TMPRSS11A: variants seen among roughly 807,000 people sequenced by gnomAD.
TMPRSS11A encodes transmembrane protease serine 11A.
Under a neutral mutation model 58.9 loss-of-function variants are expected in TMPRSS11A, and 53 were observed. The ratio of observed to expected loss-of-function variants is 0.90; its 90% CI spans 0.72 to 1.13. The LOEUF is 1.13. Ranked by LOEUF, TMPRSS11A falls within the 50% of genes most tolerant of loss-of-function variation. TMPRSS11A has a pLI of 0.00. For synonymous variants in TMPRSS11A, 167 were observed against 169.8 expected, an observed-to-expected ratio of 0.98 and a Z score of 0.13; for missense variants, 493 against 499.3, an observed-to-expected ratio of 0.99 and a Z score of 0.12.
intron 4 of TMPRSS11A, among the ~76,000 whole-genome samples, chr4:67,930,609 A>C (rs1720588452): frequency 6.6e-6 from 1 of 152,030 alleles, no homozygotes. Context: ...TGAAGACAAC[A>C]ATATTGTGGT....
chr4:67,942,380 C>A (rs180776440), intron 3 of TMPRSS11A, among the ~76,000 whole-genome samples: 13 of 152,284 alleles, frequency 8.5e-5, no homozygotes, highest in Non-Finnish European at 1.5e-4. Context: ...AAAGAAAGTT[C>A]TCTTATGGCT....
chr4:67,961,332 T>A (rs530499556), intron 1 of TMPRSS11A, among the ~76,000 whole-genome samples: 12 of 152,156 alleles, frequency 7.9e-5, no homozygotes, highest in Middle Eastern at 3.2e-3. Flanking sequence ...TAAGCCTACT[T>A]GTTGGTGTGA....
At chr4:67,942,164 C>A (rs1720896152) in intron 3 of TMPRSS11A, among the ~76,000 whole-genome samples, 1 of 152,168 alleles carries the variant, frequency 6.6e-6, no homozygotes, top group Non-Finnish European at 1.5e-5. Flanking sequence ...AATTAAATCA[C>A]AAATAAAATA....
Position 67,932,015 on chromosome 4 carries a change from T to C in TMPRSS11A, c.298A>G (p.Lys100Glu). 6.2e-7 allele frequency: 1 copy of C among 1,605,046 alleles called. No homozygotes were observed. The highest frequency in any genetic ancestry group is 8.5e-7 in the Non-Finnish European group (1 of 1,172,056). The stretch of plus-strand genomic sequence containing the variant: ...TACGTCAGTCTGACTACTTGGTTCT[T>C]GATATAATTTTTCTTCCAGGCTGAA... ...IDSAWKKNYI[K>E]NQVVRLTPEE... The change falls in exon 4 of 10, where the codon AAG becomes GAG. Residue 100 changes from lysine to glutamate, a missense_variant. Physicochemically the swap from Lys to Glu is moderately conservative, Grantham distance 56 (BLOSUM62 1). Coordinates refer to ENST00000508048, the MANE Select transcript of TMPRSS11A (RefSeq NM_001114387.2).
In TMPRSS11A at chr4:67,910,596, T is replaced by A. The variant is rs1259721585; in HGVS notation, c.*746A>T. ...TTACCATCACCTTCTCCCAAATTTT[T>A]AACAAATATATAGTTTTGATTAACT... is the stretch of plus-strand genomic sequence containing the variant. On this transcript the variant is annotated 3_prime_UTR_variant, in exon 10 of 10. Coordinates refer to ENST00000508048, the MANE Select transcript of TMPRSS11A (RefSeq NM_001114387.2). The A allele has an allele frequency of 6.6e-6, 1 of 152,078 alleles. No homozygotes were observed. The highest frequency in any genetic ancestry group is 1.9e-4 in the East Asian group (1 of 5,200). The allele number at this position is 152,078 out of a possible 1,614,324, so 9.4% of individuals were successfully genotyped here.
intron 5 of TMPRSS11A, among the ~76,000 whole-genome samples, chr4:67,925,185 T>C (rs1209664569): frequency 6.6e-6 from 1 of 152,168 alleles, no homozygotes; most frequent in African/African-American, 2.4e-5. Context: ...TTCTGTCAAC[T>C]TCCAAAAAAG....
intron 3 of TMPRSS11A, among the ~76,000 whole-genome samples, chr4:67,941,345 C>A (rs74854413): frequency 6.6e-6 from 1 of 152,008 alleles, no homozygotes; most frequent in Non-Finnish European, 1.5e-5. Context: ...TAACCTGGTG[C>A]GGGATGGGAG....
intron 1 of TMPRSS11A, among the ~76,000 whole-genome samples, chr4:67,949,333 G>A (rs953230255): frequency 2.6e-5 from 4 of 152,122 alleles, no homozygotes; most frequent in African/African-American, 9.7e-5. Context: ...CAAATCCCAC[G>A]GAAGAAGCTG....
At chr4:67,932,514 A>G (rs1302232110) in intron 3 of TMPRSS11A, among the ~76,000 whole-genome samples, 1 of 152,200 alleles carries the variant, frequency 6.6e-6, no homozygotes, top group Non-Finnish European at 1.5e-5. Context: ...CAATCTTGGC[A>G]AAGTTACTGA....
chr4:67,929,679 G>A (rs113492750), intron 5 of TMPRSS11A, among the ~76,000 whole-genome samples: 2 of 152,102 alleles, frequency 1.3e-5, no homozygotes, highest in Non-Finnish European at 2.9e-5. Flanking sequence ...AATTACTGTC[G>A]GGAAAACCAC....
At chr4:67,936,780 G>C (rs116773304) in intron 3 of TMPRSS11A, among the ~76,000 whole-genome samples, 1,658 of 152,190 alleles carry the variant, frequency 0.011, 28 homozygotes, top group African/African-American at 0.038. Context: ...AGATCACAAG[G>C]CAAAATATTT....
intron 3 of TMPRSS11A, among the ~76,000 whole-genome samples, chr4:67,933,104 AACACACAC>A (rs34906854): frequency 2.0e-5 from 3 of 150,272 alleles, no homozygotes; most frequent in East Asian, 2.0e-4. Flanking sequence ...GCATGACTGA[AACACACAC>A]ACACACACAC....
At chr4:67,930,095 TCAGTCTTA>T in intron 4 of TMPRSS11A, 55 bp from the exon 5 acceptor site, 1 of 1,534,286 alleles carries the variant, frequency 6.5e-7, no homozygotes, top group South Asian at 1.2e-5. Flanking sequence ...GAATTGTCCT[TCAGTCTTA>T]CCTGTATCTT....
At chr4:67,959,156 C>T (rs1256306963) in intron 1 of TMPRSS11A, among the ~76,000 whole-genome samples, 1 of 152,188 alleles carries the variant, frequency 6.6e-6, no homozygotes, top group South Asian at 2.1e-4. Flanking sequence ...TGTTACAAAT[C>T]TGCCTTTAAA....
At chr4:67,953,431 G>T (rs79038003) in intron 1 of TMPRSS11A, among the ~76,000 whole-genome samples, 2,022 of 152,198 alleles carry the variant, frequency 0.013, 51 homozygotes, top group African/African-American at 0.046. Context: ...AAAACTACTT[G>T]TTGAATTAGA....
At chr4:67,928,757 C>CA (rs1306820214) in intron 5 of TMPRSS11A, among the ~76,000 whole-genome samples, 78 of 152,296 alleles carry the variant, frequency 5.1e-4, no homozygotes, top group African/African-American at 1.8e-3. Flanking sequence ...TTTTTTACTT[C>CA]CTTATCTGGT....
At chr4:67,934,676 G>A (rs1360110772) in intron 3 of TMPRSS11A, among the ~76,000 whole-genome samples, 1 of 152,138 alleles carries the variant, frequency 6.6e-6, no homozygotes, top group Non-Finnish European at 1.5e-5. Context: ...CTGAGATTAA[G>A]TTCCAAGAGG....
intron 5 of TMPRSS11A, 60 bp from the exon 6 acceptor site, chr4:67,924,226 A>G: frequency 7.0e-7 from 1 of 1,422,412 alleles, no homozygotes; most frequent in Non-Finnish European, 9.9e-7. Context: ...GGTCTCAATG[A>G]CCAGGAATAA....
At chr4:67,940,490 T>G (rs1577864650) in intron 3 of TMPRSS11A, among the ~76,000 whole-genome samples, 3 of 152,210 alleles carry the variant, frequency 2.0e-5, no homozygotes, top group Non-Finnish European at 4.4e-5. Context: ...TTTCCAGGAA[T>G]TTACCCATTT....
Sources: allele counts gnomAD v4.1 joint callset (sites outside exome capture counted in the v4.1 genomes callset), GRCh38; gene constraint gnomAD v4.1.1; transcripts MANE v1.5; gene names NCBI Gene and HGNC (gene_info 2026-07-23, HGNC 2026-07-21).